Variants in UNC13C observed in about 807,000 individuals in gnomAD.
UNC13C encodes unc-13 homolog C.
UNC13C carries 174 observed loss-of-function variants against 245.4 expected under a neutral mutation model. The ratio of observed to expected loss-of-function variants is 0.71; its 90% confidence interval spans 0.63 to 0.80. UNC13C has a LOEUF of 0.80. UNC13C is among the 30% of genes least tolerant of loss of function. The pLI is 0.00. For missense variants in UNC13C, 2,829 were observed against 2,602.9 expected (o/e 1.09, Z -1.89); for synonymous variants, 992 against 895.1 (o/e 1.11, Z -1.93).
intron 2 of UNC13C, among the ~76,000 whole-genome samples, chr15:54,038,124 A>ATATAAAAATTTTTTTTTTTTT: frequency 3.1e-4 from 14 of 45,032 alleles, no homozygotes; most frequent in African/African-American, 1.5e-3. Flanking sequence ...ATATATATAT[A>ATATAAAAATTTTTTTTTTTTT]TTTTTTTTTT....
intron 17 of UNC13C, among the ~76,000 whole-genome samples, chr15:54,383,970 C>T (rs576836476): frequency 3.3e-5 from 5 of 152,102 alleles, no homozygotes; most frequent in Admixed American, 2.0e-4. Flanking sequence ...AAGACCTCTA[C>T]AAGGAAAACT....
At chr15:54,124,883 G>A (rs905089616) in intron 2 of UNC13C, among the ~76,000 whole-genome samples, 2 of 152,040 alleles carry the variant, frequency 1.3e-5, no homozygotes, top group East Asian at 3.8e-4. Flanking sequence ...AGCACTAGTT[G>A]TTGAAAAGTT....
chr15:54,389,256 T>G (rs1413469383), intron 17 of UNC13C, among the ~76,000 whole-genome samples: 1 of 152,230 alleles, frequency 6.6e-6, no homozygotes, highest in Non-Finnish European at 1.5e-5. Context: ...AAGAAACTAA[T>G]GCTTTAGTAT....
At chr15:54,148,684 T>C (rs535277641) in intron 4 of UNC13C, among the ~76,000 whole-genome samples, 11 of 152,206 alleles carry the variant, frequency 7.2e-5, no homozygotes, top group Non-Finnish European at 1.3e-4. Flanking sequence ...TTAATTTCAG[T>C]TCTTCCTATC....
rs1567185694 is a variant in UNC13C at position 54,321,923 on chromosome 15, GT to G, written c.4269-10del. ...AATTTCTGTCTTAAAAACACTTTAT[GT>G]TTTTTGTCTTTCAGGCACTTTTCAT... On this transcript the variant is annotated splice_polypyrimidine_tract_variant and intron_variant, in intron 13 of 32. Coordinates refer to ENST00000260323, the MANE Select transcript of UNC13C (RefSeq NM_001080534.3). The G allele has an allele frequency of 3.9e-6, 6 of 1,550,700 alleles. No homozygotes were observed. The highest frequency in any genetic ancestry group is 2.4e-5 in the South Asian group (2 of 82,560).
the UNC13C span, among the ~76,000 whole-genome samples, chr15:53,868,386 G>A: frequency 6.6e-6 from 1 of 152,138 alleles, no homozygotes; most frequent in Non-Finnish European, 1.5e-5. Flanking sequence ...ACTAATTTAA[G>A]CAAATAAAGT....
chr15:54,134,790 A>T (rs930327737), intron 2 of UNC13C, among the ~76,000 whole-genome samples: 1 of 152,138 alleles, frequency 6.6e-6, no homozygotes, highest in African/African-American at 2.4e-5. Context: ...CAGTGCAGGT[A>T]TCTCTTCAAC....
rs2038451022 is a variant in UNC13C at position 54,332,056 on chromosome 15, T to C, written c.4439T>C (p.Ile1480Thr). ...AATNFGREKF[I>T]KLLDQLHNSL... ...TGCTTTGTACAGAGGGAAAAATTCA[T>C]AAAACTACTGGACCAGTTACATAAC... The change falls in exon 15 of 33, where the codon ATA becomes ACA. Residue 1480 changes from isoleucine (I) to threonine (T), a missense_variant. Physicochemically the swap from Ile to Thr is moderately conservative, Grantham distance 89. Coordinates refer to ENST00000260323, the MANE Select transcript of UNC13C (RefSeq NM_001080534.3). The C allele has an allele frequency of 1.3e-6, 2 of 1,581,092 alleles. No homozygotes were observed. The highest frequency in any genetic ancestry group is 1.7e-6 in the Non-Finnish European group (2 of 1,161,848).
chr15:54,305,656 C>A (rs755622076), intron 13 of UNC13C, among the ~76,000 whole-genome samples: 2 of 151,894 alleles, frequency 1.3e-5, no homozygotes, highest in Non-Finnish European at 2.9e-5. Context: ...AACGAAAGAA[C>A]AACAAAACCT....
At chr15:54,146,619 G>C (rs2032271493) in intron 4 of UNC13C, among the ~76,000 whole-genome samples, 1 of 152,198 alleles carries the variant, frequency 6.6e-6, no homozygotes, top group African/African-American at 2.4e-5. Context: ...AATAAAAGGA[G>C]CAAGAGAAAG....
At chr15:54,563,866 T>C (rs544307203) in intron 29 of UNC13C, among the ~76,000 whole-genome samples, 3 of 151,976 alleles carry the variant, frequency 2.0e-5, no homozygotes, top group Admixed American at 6.6e-5. Context: ...AGAGTCAAAT[T>C]TGAATGTAAA....
chr15:54,319,876 A>C (rs1380327608), intron 13 of UNC13C, among the ~76,000 whole-genome samples: 3 of 151,992 alleles, frequency 2.0e-5, no homozygotes, highest in Non-Finnish European at 4.4e-5. Context: ...AGTTCAAATG[A>C]AAAAGGTTTC....
intron 17 of UNC13C, among the ~76,000 whole-genome samples, chr15:54,381,800 T>G (rs1333573883): frequency 6.6e-6 from 1 of 151,990 alleles, no homozygotes; most frequent in African/African-American, 2.4e-5. Flanking sequence ...TTCAACACAG[T>G]AATAATGGAA....
At chr15:54,160,536 A>G (rs552320390) in intron 4 of UNC13C, among the ~76,000 whole-genome samples, 1 of 152,026 alleles carries the variant, frequency 6.6e-6, no homozygotes, top group East Asian at 1.9e-4. Context: ...GAGTCACTTA[A>G]ACTCTTTTTT....
chr15:54,375,600 G>A (rs1237294645), intron 17 of UNC13C, among the ~76,000 whole-genome samples: 3 of 152,236 alleles, frequency 2.0e-5, no homozygotes, highest in African/African-American at 4.8e-5. Context: ...ACTACATTGT[G>A]TGAGTCTGAT....
At chr15:54,324,880 G>A (rs1282019697) in intron 14 of UNC13C, among the ~76,000 whole-genome samples, 3 of 152,046 alleles carry the variant, frequency 2.0e-5, no homozygotes, top group African/African-American at 2.4e-5. Context: ...CCCACAGCCC[G>A]TGGGCCACAT....
At chr15:54,495,812 A>G (rs1893923129) in intron 20 of UNC13C, among the ~76,000 whole-genome samples, 1 of 151,934 alleles carries the variant, frequency 6.6e-6, no homozygotes, top group Non-Finnish European at 1.5e-5. Context: ...TTAGAAGGTA[A>G]TGAGTGATTT....
intron 1 of UNC13C, among the ~76,000 whole-genome samples, chr15:53,988,914 A>G (rs77224323): frequency 3.3e-5 from 5 of 152,120 alleles, no homozygotes; most frequent in Middle Eastern, 3.4e-3. Context: ...GTGAATGAAT[A>G]AAGTGTCGGT....
intron 30 of UNC13C, among the ~76,000 whole-genome samples, chr15:54,577,980 C>T (rs1353806180): frequency 6.6e-6 from 1 of 152,170 alleles, no homozygotes; most frequent in Non-Finnish European, 1.5e-5. Context: ...ATTTTGATGA[C>T]TCCTTTGTCC....
Sources: allele counts gnomAD v4.1 joint callset (sites outside exome capture counted in the v4.1 genomes callset), GRCh38; gene constraint gnomAD v4.1.1; transcripts MANE v1.5; gene names NCBI Gene and HGNC (gene_info 2026-07-23, HGNC 2026-07-21).